Variants in PDSS2 observed in about 807,000 individuals in gnomAD.
PDSS2 encodes decaprenyl diphosphate synthase subunit 2, also known as all trans-polyprenyl-diphosphate synthase PDSS2.
In PDSS2, 31 loss-of-function variants were observed where a neutral mutation model predicts 44.5. That is an observed-to-expected ratio of 0.70 (90% confidence interval 0.52 to 0.94). The LOEUF is 0.94. PDSS2 is among the 40% of genes least tolerant of loss of function. The pLI is 0.00. For missense variants in PDSS2, 452 were observed against 482.2 expected (o/e 0.94, Z 0.59); for synonymous variants, 157 against 180.3 (o/e 0.87, Z 1.03).
rs756165687 is a variant in PDSS2 at position 107,193,834 on chromosome 6, C to T, written c.1029G>A (p.Leu343=). Residue 343 remains leucine (L), a synonymous_variant, in exon 7 of 8, where the codon TTG becomes TTA. Coordinates refer to ENST00000369037, the MANE Select transcript of PDSS2 (RefSeq NM_020381.4). ...QIGEAQEKGR[L]DYAKLRERIK... The stretch of plus-strand genomic sequence containing the variant: ...AAAATCTGCCTACCTTAGCATAGTC[C>T]AATCTTCCTTTTTCTTGAGCCTACA... The T allele has an allele frequency of 1.5e-5, 24 of 1,568,098 alleles. No individual in the cohort carries two copies.
At chr6:107,228,900 T>G (rs1460091459) in intron 4 of PDSS2, among the ~76,000 whole-genome samples, 1 of 152,118 alleles carries the variant, frequency 6.6e-6, no homozygotes, top group African/African-American at 2.4e-5. Flanking sequence ...AAGTCTTTAT[T>G]TGTGAGTGAC....
At chr6:107,172,846 C>G (rs1554248960) in intron 7 of PDSS2, among the ~76,000 whole-genome samples, 1 of 150,516 alleles carries the variant, frequency 6.6e-6, no homozygotes, top group Non-Finnish European at 1.5e-5. Context: ...GATAGAGTGG[C>G]TGGGCACGGC....
chr6:107,253,066 C>T (rs903477991), intron 3 of PDSS2, among the ~76,000 whole-genome samples: 3 of 152,182 alleles, frequency 2.0e-5, no homozygotes, highest in South Asian at 2.1e-4. Flanking sequence ...GATAGAGTCT[C>T]GCTCTGTCAC....
chr6:107,291,790 A>C (rs1030622266), intron 2 of PDSS2, among the ~76,000 whole-genome samples: 5 of 151,948 alleles, frequency 3.3e-5, no homozygotes, highest in Admixed American at 1.3e-4. Flanking sequence ...AGGTGGGAGG[A>C]CTGTTTGAGC....
In PDSS2 at chr6:107,279,218, C is replaced by CAAAATA. The variant is rs770192251; in HGVS notation, c.432-4997_432-4992dup. 3.9e-5 allele frequency among the ~76,000 whole-genome samples: 6 copies of CAAAATA among 151,982 alleles called. No homozygotes were observed. The East Asian group carries it at 9.7e-4, about 24-fold the overall frequency. ...TGGGCAACAGAGTGAAACTCTGTCT[C>CAAAATA]AAAATAAAAATAAAAATAAAAATAA... On this transcript the variant is annotated intron_variant, in intron 2 of 7. Coordinates refer to ENST00000369037, the MANE Select transcript of PDSS2 (RefSeq NM_020381.4).
chr6:107,436,981 C>T (rs1248028865), intron 1 of PDSS2, among the ~76,000 whole-genome samples: 1 of 152,036 alleles, frequency 6.6e-6, no homozygotes, highest in Admixed American at 6.6e-5. Context: ...TGGGTGCTGA[C>T]TGCCTCAGTG....
At chr6:107,347,244 A>AAATTATAT (rs1270447372) in intron 1 of PDSS2, among the ~76,000 whole-genome samples, 3 of 149,928 alleles carry the variant, frequency 2.0e-5, no homozygotes, top group African/African-American at 7.4e-5. Flanking sequence ...CAATTCCCTA[A>AAATTATAT]AATTATATCT....
intron 1 of PDSS2, among the ~76,000 whole-genome samples, chr6:107,372,999 T>C (rs1392749116): frequency 6.6e-6 from 1 of 151,670 alleles, no homozygotes; most frequent in Admixed American, 6.6e-5. Context: ...TTTTTTTTTT[T>C]TTTAAGACAG....
chr6:107,270,342 C>A (rs1484413295), intron 3 of PDSS2, among the ~76,000 whole-genome samples: 2 of 151,864 alleles, frequency 1.3e-5, no homozygotes, highest in African/African-American at 4.8e-5. Flanking sequence ...GAACTCCTGA[C>A]CTCAGGTGAT....
intron 3 of PDSS2, among the ~76,000 whole-genome samples, chr6:107,258,568 G>A (rs1450424638): frequency 1.3e-5 from 2 of 152,124 alleles, no homozygotes; most frequent in South Asian, 2.1e-4. Context: ...TTGGGAGGCC[G>A]AGGCAGGCAG....
intron 1 of PDSS2, among the ~76,000 whole-genome samples, chr6:107,357,290 T>C (rs1218617450): frequency 2.0e-5 from 3 of 152,134 alleles, no homozygotes; most frequent in African/African-American, 4.8e-5. Context: ...GTATCCAAAT[T>C]TATTTTAGTA....
At chr6:107,355,034 G>GCA (rs1778553152) in intron 1 of PDSS2, among the ~76,000 whole-genome samples, 1 of 152,000 alleles carries the variant, frequency 6.6e-6, no homozygotes, top group Non-Finnish European at 1.5e-5. Flanking sequence ...CTGGGTTCAA[G>GCA]CAATTCTCCT....
At position 107,458,098 on chromosome 6, in the gene PDSS2, T is replaced by C. The variant is rs554404623; in HGVS notation, c.296+892A>G. Reference sequence around the variant, plus strand: ...AGCAGGTGGATCTGATTAAAGAGTATGCAAGTGTGTTCTTTGAACTATATT... The same window carrying C: ...AGCAGGTGGATCTGATTAAAGAGTACGCAAGTGTGTTCTTTGAACTATATT... On this transcript the variant is annotated intron_variant, in intron 1 of 7. Transcript: ENST00000369037. Among the ~76,000 whole-genome samples, 8 of 152,216 alleles carry C rather than the reference T, an allele frequency of 5.3e-5. No individual in the cohort carries two copies. The South Asian group carries it at 1.7e-3, about 32-fold the overall frequency.
chr6:107,368,730 C>T (rs1189130497), intron 1 of PDSS2, among the ~76,000 whole-genome samples: 1 of 151,998 alleles, frequency 6.6e-6, no homozygotes, highest in East Asian at 1.9e-4. Flanking sequence ...CACCTGTGGT[C>T]CCAGGAGGCT....
intron 3 of PDSS2, among the ~76,000 whole-genome samples, chr6:107,246,628 A>C (rs1774626389): frequency 6.6e-6 from 1 of 152,220 alleles, no homozygotes; most frequent in South Asian, 2.1e-4. Flanking sequence ...AAGATACTTC[A>C]ATCTCAGGTA....
chr6:107,364,762 G>A (rs867713175), intron 1 of PDSS2, among the ~76,000 whole-genome samples: 2 of 152,354 alleles, frequency 1.3e-5, no homozygotes, highest in African/African-American at 2.4e-5. Flanking sequence ...GGGAGGTGCC[G>A]AGAACAAGCG....
rs184353745 is a variant in PDSS2, at chr6:107,313,647, C to G, written c.431+20551G>C. 9.2e-5 allele frequency among the ~76,000 whole-genome samples: 14 copies of G among 152,298 alleles called. No homozygotes were observed. The East Asian group carries it at 2.1e-3, about 23-fold the overall frequency. The stretch of plus-strand genomic sequence containing the variant: ...GAGATTACAGGCATGAGCCACCACG[C>G]CCGGCCCTACATTTGTTTTATAATA... On this transcript the variant is annotated intron_variant, in intron 2 of 7. Transcript: ENST00000369037.
rs981121255 is a variant in PDSS2 at position 107,430,424 on chromosome 6, C to T, written c.296+28566G>A. Reference sequence around the variant, plus strand: ...CTGAGGCACAATAATCACTCGAACCCGGGAGGTAGAGGTTGCAGTGGGCCA... The same window carrying T: ...CTGAGGCACAATAATCACTCGAACCTGGGAGGTAGAGGTTGCAGTGGGCCA... On this transcript the variant is annotated intron_variant, in intron 1 of 7. Transcript: ENST00000369037. 3.3e-5 allele frequency among the ~76,000 whole-genome samples: 5 copies of T among 152,038 alleles called. No individual in the cohort carries two copies. The South Asian group carries it at 8.3e-4, about 25-fold the overall frequency.
chr6:107,303,615 T>C (rs1481438803), intron 2 of PDSS2, among the ~76,000 whole-genome samples: 2 of 152,246 alleles, frequency 1.3e-5, no homozygotes, highest in African/African-American at 2.4e-5. Flanking sequence ...TTCACTTAGT[T>C]TGAAGACTTT....
Sources: allele counts gnomAD v4.1 joint callset (sites outside exome capture counted in the v4.1 genomes callset), GRCh38; gene constraint gnomAD v4.1.1; transcripts MANE v1.5; gene names NCBI Gene and HGNC (gene_info 2026-07-23, HGNC 2026-07-21).